Variants in KCNQ5 observed in about 807,000 individuals in gnomAD.
KCNQ5 encodes the protein potassium voltage-gated channel subfamily KQT member 5.
In KCNQ5, 30 loss-of-function variants were observed where a neutral mutation model predicts 98.2. That is an observed-to-expected ratio of 0.31 (90% CI 0.23 to 0.41). The LOEUF is 0.41. Among genes scored for constraint, KCNQ5 ranks in the 10% least tolerant of loss-of-function variants. The probability of loss-of-function intolerance (pLI) is 1.00; values close to 1 mark genes in which losing one functional copy is unlikely to be tolerated. For synonymous variants in KCNQ5, 458 were observed against 449.4 expected (o/e 1.02, Z -0.24); for missense variants, 835 against 1,182.5 (o/e 0.71, Z 4.31).
chr6:73,137,370 C>T (rs189310658), intron 10 of KCNQ5, among the ~76,000 whole-genome samples: 18 of 152,004 alleles, frequency 1.2e-4, no homozygotes, highest in African/African-American at 4.1e-4. Flanking sequence ...AAATGACAAA[C>T]GAAAGAAAGT....
chr6:72,889,888 G>T (rs1480928625), intron 1 of KCNQ5, among the ~76,000 whole-genome samples: 2 of 152,106 alleles, frequency 1.3e-5, no homozygotes, highest in South Asian at 2.1e-4. Context: ...TTGGACATTT[G>T]CTAAGGGCAG....
intron 1 of KCNQ5, among the ~76,000 whole-genome samples, chr6:72,838,766 C>A (rs1055388461): frequency 2.6e-5 from 4 of 151,024 alleles, no homozygotes; most frequent in African/African-American, 7.3e-5. Context: ...CTGGCTAACA[C>A]GGTGAAACCC....
Position 73,149,807 on chromosome 6 carries a change from AG to A in KCNQ5, c.1468+16167del, listed in dbSNP as rs202020155. Among the ~76,000 whole-genome samples the A allele has an allele frequency of 2.3e-3, 321 of 141,852 alleles. 1 individual carries two copies. The highest frequency in any genetic ancestry group is 8.5e-3 in the African/African-American group (302 of 35,650). The allele number at this position is 141,852 out of a possible 152,430, so 93.1% of individuals were successfully genotyped here. A position where few individuals can be genotyped will look rare whatever the true frequency, so the allele number is the denominator to read the frequency against. On this transcript the variant is annotated intron_variant, in intron 10 of 13. Transcript: ENST00000370398. ...GGGAGACTCCGAAAAAAAAAAAAAA[AG>A]AGAGAGAGAGAGAGAGAGGGAGGGA...
intron 1 of KCNQ5, among the ~76,000 whole-genome samples, chr6:72,789,731 A>G (rs752330065): frequency 1.3e-5 from 2 of 152,232 alleles, no homozygotes; most frequent in African/African-American, 2.4e-5. Flanking sequence ...ATAGACTTGT[A>G]TTAGGTCACA....
chr6:72,932,576 AAG>A (rs1371490874), intron 1 of KCNQ5, among the ~76,000 whole-genome samples: 1 of 152,122 alleles, frequency 6.6e-6, no homozygotes, highest in African/African-American at 2.4e-5. Context: ...ACAAACTTTA[AAG>A]AGAGTAAGAG....
In KCNQ5 at chr6:73,133,518, A is replaced by G. The variant is rs1200464889; in HGVS notation, c.1345A>G (p.Ser449Gly). Residue 449 changes from serine (S) to glycine (G), a missense_variant, in exon 10 of 14, where the codon AGC becomes GGC. By Grantham distance (56) the Ser-to-Gly change is moderately conservative. This residue lies in a region of KCNQ5 where 146 missense variants were observed against 256.7 expected (regional missense o/e 0.57). Transcript: ENST00000370398. ...CTCAGTAGGTGACAGGAGGTCCCCA[A>G]GCACCGACATCACAGCCGAGGGCAG... ...QASVGDRRSP[S>G]TDITAEGSPT... 6.2e-7 allele frequency: 1 copy of G among 1,614,228 alleles called. No homozygotes were observed. Among genetic ancestry groups the G allele is most frequent in the Admixed American group, 1.7e-5 (1 of 60,032 alleles).
intron 1 of KCNQ5, chr6:72,967,747 C>A (rs1021603786): frequency 1.2e-4 from 18 of 154,904 alleles, no homozygotes; most frequent in African/African-American, 3.8e-4. Context: ...TCCCCTGGAA[C>A]TTCACCATTC....
In KCNQ5 at chr6:73,059,087, C is replaced by T. The variant is rs527321811; in HGVS notation, c.616+17025C>T. 1.8e-4 allele frequency among the ~76,000 whole-genome samples: 27 copies of T among 152,322 alleles called. No individual in the cohort carries two copies. In the South Asian group the frequency reaches 5.4e-3, roughly 30 times the overall value. On this transcript the variant is annotated intron_variant, in intron 3 of 13. Transcript: ENST00000370398. ...GGTTTATTCTCAAAGGAATGTAACT[C>T]ATTCTACCTTAAAGACATATGCACT...
chr6:72,681,795 T>C (rs1026547932), intron 1 of KCNQ5, among the ~76,000 whole-genome samples: 7 of 152,320 alleles, frequency 4.6e-5, no homozygotes, highest in East Asian at 1.9e-4. Flanking sequence ...CTGTGAACCA[T>C]TCCCTTTCAA....
intron 2 of KCNQ5, among the ~76,000 whole-genome samples, chr6:73,028,060 C>A (rs1007584830): frequency 6.6e-6 from 1 of 152,158 alleles, no homozygotes; most frequent in African/African-American, 2.4e-5. Flanking sequence ...CAATTCTATT[C>A]CCTGCCTGCC....
intron 3 of KCNQ5, among the ~76,000 whole-genome samples, chr6:73,048,513 A>C (rs1184051097): frequency 6.6e-6 from 1 of 152,212 alleles, no homozygotes; most frequent in Admixed American, 6.5e-5. Context: ...CACCAGGCAA[A>C]GGTCCTACGG....
chr6:72,856,688 C>T (rs758775110), intron 1 of KCNQ5, among the ~76,000 whole-genome samples: 17 of 152,198 alleles, frequency 1.1e-4, no homozygotes, highest in Admixed American at 3.9e-4. Context: ...GTACTGAATA[C>T]GGCTAATAAT....
intron 1 of KCNQ5, among the ~76,000 whole-genome samples, chr6:72,708,550 T>TCA (rs1476834484): frequency 2.6e-5 from 4 of 152,184 alleles, no homozygotes; most frequent in African/African-American, 9.7e-5. Context: ...GGACAGGGTC[T>TCA]CACTCTGTTG....
intron 6 of KCNQ5, among the ~76,000 whole-genome samples, chr6:73,106,952 G>A (rs989137730): frequency 2.4e-5 from 3 of 125,078 alleles, no homozygotes; most frequent in Admixed American, 1.8e-4. Flanking sequence ...GGAACAAAAT[G>A]ATGAAATCCA....
At chr6:72,741,235 G>C (rs1771117224) in intron 1 of KCNQ5, among the ~76,000 whole-genome samples, 1 of 152,180 alleles carries the variant, frequency 6.6e-6, no homozygotes, top group Admixed American at 6.5e-5. Context: ...CCATGGTTAA[G>C]GTGTCAAAGT....
intron 2 of KCNQ5, among the ~76,000 whole-genome samples, chr6:73,033,152 C>A (rs1221075524): frequency 6.6e-6 from 1 of 152,030 alleles, no homozygotes; most frequent in South Asian, 2.1e-4. Flanking sequence ...AGGTAGGCAG[C>A]GAGGGGTAAA....
intron 1 of KCNQ5, among the ~76,000 whole-genome samples, chr6:72,801,674 G>A (rs1185037178): frequency 6.8e-6 from 1 of 146,464 alleles, no homozygotes; most frequent in African/African-American, 2.7e-5. Flanking sequence ...TCATTATGAC[G>A]TTAGCTGGTT....
At chr6:73,044,804 G>A (rs1277706180) in intron 3 of KCNQ5, among the ~76,000 whole-genome samples, 1 of 152,074 alleles carries the variant, frequency 6.6e-6, no homozygotes, top group Non-Finnish European at 1.5e-5. Context: ...GTTCTGAATG[G>A]GTGTTTGGAA....
chr6:73,006,414 G>C (rs1344861522), intron 2 of KCNQ5, among the ~76,000 whole-genome samples: 1 of 145,852 alleles, frequency 6.9e-6, no homozygotes, highest in Non-Finnish European at 1.5e-5. Context: ...CACTTTGGGA[G>C]GCCAAGACAG....
Sources: allele counts gnomAD v4.1 joint callset (sites outside exome capture counted in the v4.1 genomes callset), GRCh38; gene constraint gnomAD v4.1.1; regional missense constraint gnomAD v4.1.1; transcripts MANE v1.5; gene names NCBI Gene and HGNC (gene_info 2026-07-23, HGNC 2026-07-21).